PHTF2: variants seen among roughly 807,000 people sequenced by gnomAD.
The protein encoded by PHTF2 is protein PHTF2.
Under a neutral mutation model 101.2 loss-of-function variants are expected in PHTF2, and 60 were observed. The observed-to-expected ratio is 0.59, with a 90% CI of 0.48 to 0.73. The LOEUF (loss-of-function observed/expected upper bound fraction) is 0.73. PHTF2 is among the 30% of genes least tolerant of loss of function. PHTF2 has a pLI of 0.00. For synonymous variants in PHTF2, 311 were observed against 307.3 expected (o/e 1.01, Z -0.13); for missense variants, 747 against 908.7 (o/e 0.82, Z 2.29).
intron 9 of PHTF2, among the ~76,000 whole-genome samples, chr7:77,912,071 A>G (rs1414663244): frequency 6.6e-6 from 1 of 152,166 alleles, no homozygotes; most frequent in African/African-American, 2.4e-5. Flanking sequence ...GAGTCCCCCT[A>G]AAACTAGCAG....
rs571435939 is a variant in PHTF2 at position 77,861,120 on chromosome 7, C to G, written c.147+6286C>G. Among the ~76,000 whole-genome samples the G allele has an allele frequency of 3.3e-5, 5 of 152,176 alleles. No homozygotes were observed. In the South Asian group the frequency reaches 1.0e-3, roughly 32 times the overall value. ...TTATGTACTTACATTTAATTGCTCT[C>G]TCCCTTATTCTTTAATTTCTTTTTT... On this transcript the variant is annotated intron_variant, in intron 3 of 19. Coordinates refer to ENST00000416283, the Ensembl canonical transcript of PHTF2.
chr7:77,868,378 A>G (rs1252077166), intron 3 of PHTF2, among the ~76,000 whole-genome samples: 1 of 109,048 alleles, frequency 9.2e-6, no homozygotes, highest in East Asian at 2.9e-4. Context: ...TTTGTTGCCC[A>G]GGCTGGTCTT....
chr7:77,918,974 G>C (rs1184013156), intron 9 of PHTF2, among the ~76,000 whole-genome samples: 2 of 152,194 alleles, frequency 1.3e-5, no homozygotes, highest in African/African-American at 4.8e-5. Flanking sequence ...AAGGAAAGGG[G>C]CCTGTTTGCA....
rs754640699 is a variant in PHTF2, at chr7:77,909,008, C to A, written c.611+50C>A. On this transcript the variant is annotated intron_variant, in intron 8 of 19. Coordinates refer to ENST00000416283, the Ensembl canonical transcript of PHTF2. Reference sequence around the variant, plus strand: ...TTTTGTACATTTATGTAATTTGAATCTACGATTGTTCTTGACTCCTCTTAC... The same window carrying A: ...TTTTGTACATTTATGTAATTTGAATATACGATTGTTCTTGACTCCTCTTAC... The A allele has an allele frequency of 8.4e-6, 11 of 1,310,648 alleles. No individual in the cohort carries two copies. The African/African-American group carries it at 1.5e-4, about 18-fold the overall frequency. 81.2% of individuals were successfully genotyped at this position (1,310,648 alleles called of 1,614,324 possible). A position where few individuals can be genotyped will look rare whatever the true frequency, so the allele number is the denominator to read the frequency against.
chr7:77,870,462 G>A (rs1020355678), intron 3 of PHTF2, among the ~76,000 whole-genome samples: 2 of 152,166 alleles, frequency 1.3e-5, no homozygotes, highest in African/African-American at 2.4e-5. Flanking sequence ...ATCCAGCACA[G>A]GAGAAAGATA....
chr7:77,836,392 G>A lies in PHTF2; in HGVS notation c.-35-3829G>A, dbSNP rs1795475930. Among the ~76,000 whole-genome samples the A allele has an allele frequency of 4.6e-5, 7 of 152,226 alleles. No individual in the cohort carries two copies. In the South Asian group the frequency reaches 1.2e-3, roughly 27 times the overall value. ...ACCAGCGCAGCTTACCCACCATGTT[G>A]TTCAACTGTATTTGATTGAGATTCC... On this transcript the variant is annotated intron_variant, in intron 1 of 19. Transcript: ENST00000416283.
At chr7:77,898,781 T>TTATG (rs1801108762) in intron 5 of PHTF2, among the ~76,000 whole-genome samples, 1 of 145,870 alleles carries the variant, frequency 6.9e-6, no homozygotes, top group Non-Finnish European at 1.5e-5. Context: ...GAGGTTATCT[T>TTATG]TATTTATTTA....
intron 10 of PHTF2, 128 bp downstream of exon 9, chr7:77,920,593 A>G (rs1370671608): frequency 6.0e-6 from 4 of 667,676 alleles, no homozygotes; most frequent in East Asian, 2.8e-5. Flanking sequence ...CGTTTATAAC[A>G]CTGATGAAAC....
intron 3 of PHTF2, among the ~76,000 whole-genome samples, chr7:77,859,944 G>A (rs1198744886): frequency 3.3e-5 from 5 of 152,080 alleles, no homozygotes; most frequent in Admixed American, 2.6e-4. Flanking sequence ...TCTGCTTTCA[G>A]TTCTTATTAA....
At chr7:77,893,834 T>C (rs1800656769) in intron 4 of PHTF2, 148 bp from the exon 4 acceptor site, 1 of 689,846 alleles carries the variant, frequency 1.4e-6, no homozygotes, top group Admixed American at 2.8e-5. Flanking sequence ...ACTCCTGATG[T>C]TGGTTTTTTC....
At chr7:77,862,103 C>T (rs975201427) in intron 3 of PHTF2, among the ~76,000 whole-genome samples, 1 of 151,540 alleles carries the variant, frequency 6.6e-6, no homozygotes, top group Non-Finnish European at 1.5e-5. Context: ...ACCTTTCACT[C>T]TTCCCTAGCA....
intron 11 of PHTF2, among the ~76,000 whole-genome samples, chr7:77,927,039 T>C (rs2150933755): frequency 6.7e-6 from 1 of 150,324 alleles, no homozygotes; most frequent in Non-Finnish European, 1.5e-5. Flanking sequence ...GCTCCTGTAG[T>C]CCTAGCTACT....
intron 1 of PHTF2, among the ~76,000 whole-genome samples, chr7:77,806,236 A>G (rs1396357288): frequency 1.3e-5 from 2 of 150,914 alleles, no homozygotes; most frequent in East Asian, 1.9e-4. Context: ...GATTTTGTCT[A>G]CTCGTTTTAT....
At chr7:77,955,611 CT>C (rs1402915537) in exon 20 of PHTF2, 2 of 152,552 alleles carry the variant, frequency 1.3e-5, no homozygotes, top group African/African-American at 4.8e-5. Flanking sequence ...AAAATTGTTA[CT>C]TTTAATGCGT....
At chr7:77,911,398 G>GTAT (rs751868510) in intron 9 of PHTF2, among the ~76,000 whole-genome samples, 41 of 151,672 alleles carry the variant, frequency 2.7e-4, no homozygotes, top group Admixed American at 4.6e-4. Context: ...ACTCAAGCTT[G>GTAT]TATTATTATT....
intron 1 of PHTF2, among the ~76,000 whole-genome samples, chr7:77,802,409 AT>A (rs1296273109): frequency 3.9e-5 from 6 of 152,334 alleles, no homozygotes. Flanking sequence ...TCAAAGAAGA[AT>A]TCCAAAATGA....
chr7:77,818,009 C>G (rs1056071638), intron 1 of PHTF2, among the ~76,000 whole-genome samples: 1 of 151,346 alleles, frequency 6.6e-6, no homozygotes, highest in Non-Finnish European at 1.5e-5. Flanking sequence ...ACTTGGGAGG[C>G]TGAGGCAGGA....
At chr7:77,920,399 G>A (rs1803340889) in exon 10 of PHTF2, 5 of 1,613,472 alleles carry the variant, frequency 3.1e-6, no homozygotes, top group Admixed American at 1.7e-5. Context: ...ATGAACCTCA[G>A]TGTGAAACTA....
chr7:77,952,073 C>A (rs1288813714), intron 18 of PHTF2, among the ~76,000 whole-genome samples: 1 of 151,868 alleles, frequency 6.6e-6, no homozygotes, highest in South Asian at 2.1e-4. Flanking sequence ...TTCTGGTTGG[C>A]CTGAGTTAGC....
Sources: gnomAD v4.1 joint callset for allele counts (sites outside exome capture counted in the v4.1 genomes callset) on GRCh38, gnomAD v4.1.1 for gene constraint, MANE v1.5 for transcripts, NCBI Gene and HGNC (gene_info 2026-07-23, HGNC 2026-07-21) for gene names.